PTPRM: variants seen among roughly 807,000 people sequenced by gnomAD.
PTPRM encodes the protein protein tyrosine phosphatase receptor type M, also known as receptor-type tyrosine-protein phosphatase mu.
In PTPRM, 47 loss-of-function variants were observed where a neutral mutation model predicts 186.7. The ratio of observed to expected loss-of-function variants is 0.25; its 90% CI spans 0.20 to 0.32. The LOEUF is 0.32. Among genes scored for constraint, PTPRM ranks in the 10% least tolerant of loss-of-function variants. The probability of loss-of-function intolerance (pLI) is 1.00; values close to 1 mark genes in which losing one functional copy is unlikely to be tolerated. For synonymous variants in PTPRM, 668 were observed against 674.9 expected (o/e 0.99, Z 0.16); for missense variants, 1,494 against 1,865.0 (o/e 0.80, Z 3.66).
chr18:7,663,374 A>G (rs534391182), intron 1 of PTPRM, among the ~76,000 whole-genome samples: 3 of 152,320 alleles, frequency 2.0e-5, no homozygotes, highest in South Asian at 4.1e-4. Flanking sequence ...GCAGTGTTCT[A>G]GGCACTGGGA....
chr18:8,028,721 T>C (rs1236908755), intron 7 of PTPRM, among the ~76,000 whole-genome samples: 1 of 152,196 alleles, frequency 6.6e-6, no homozygotes, highest in Non-Finnish European at 1.5e-5. Context: ...ATTGTACTAG[T>C]CTGGGTAAAA....
intron 1 of PTPRM, among the ~76,000 whole-genome samples, chr18:7,681,183 C>T (rs1452449351): frequency 6.6e-6 from 1 of 151,110 alleles, no homozygotes; most frequent in African/African-American, 2.4e-5. Context: ...TAATATGAAT[C>T]TCGGAACTGC....
intron 1 of PTPRM, among the ~76,000 whole-genome samples, chr18:7,624,433 A>C (rs1249511225): frequency 6.6e-6 from 1 of 151,886 alleles, no homozygotes; most frequent in Admixed American, 6.6e-5. Context: ...TCCTAGTTCT[A>C]CCTTTTTCTT....
intron 13 of PTPRM, among the ~76,000 whole-genome samples, chr18:8,141,302 T>C (rs545560035): frequency 4.1e-4 from 63 of 152,330 alleles, no homozygotes; most frequent in Non-Finnish European, 6.6e-4. Context: ...CTCCCACCTT[T>C]TCTGAGTCAC....
chr18:7,845,391 A>T (rs1411514131), intron 2 of PTPRM, among the ~76,000 whole-genome samples: 2 of 152,208 alleles, frequency 1.3e-5, no homozygotes, highest in African/African-American at 4.8e-5. Context: ...TATGCTTTAT[A>T]TAAGTTAGCT....
chr18:7,629,083 A>G (rs1164173354), intron 1 of PTPRM, among the ~76,000 whole-genome samples: 1 of 152,210 alleles, frequency 6.6e-6, no homozygotes, highest in Non-Finnish European at 1.5e-5. Context: ...CTTCAAAATG[A>G]TGGTACACTC....
chr18:7,756,951 T>C lies in PTPRM; in HGVS notation c.74-17198T>C, dbSNP rs182009805. Among the ~76,000 whole-genome samples the C allele has an allele frequency of 6.6e-5, 10 of 152,348 alleles. No homozygotes were observed. In the East Asian group the frequency reaches 1.9e-3, roughly 29 times the overall value. ...TGGACCCCAGCTTGGCCTGTGCTGC[T>C]CCCATCCACCTTTGTAGCCTGATCT... On this transcript the variant is annotated intron_variant, in intron 1 of 32. Transcript: ENST00000580170.
Position 7,858,308 on chromosome 18 carries a change from G to A in PTPRM, c.197-29798G>A, listed in dbSNP as rs548432940. On this transcript the variant is annotated intron_variant, in intron 2 of 32. Transcript: ENST00000580170. ...AAGGTGGCTCATGCCTGTAATTCCA[G>A]CACTTTGGGAGGCCGAGGTGGGAGG... 1.1e-4 allele frequency among the ~76,000 whole-genome samples: 16 copies of A among 152,248 alleles called. No individual in the cohort carries two copies. The East Asian group carries it at 3.1e-3, about 29-fold the overall frequency.
intron 14 of PTPRM, among the ~76,000 whole-genome samples, chr18:8,158,708 A>G (rs1348730838): frequency 6.6e-6 from 1 of 152,192 alleles, no homozygotes; most frequent in East Asian, 1.9e-4. Flanking sequence ...GCATGGTGCC[A>G]GCATCTGTTC....
intron 1 of PTPRM, among the ~76,000 whole-genome samples, chr18:7,712,250 A>G (rs1375550968): frequency 6.6e-6 from 1 of 152,202 alleles, no homozygotes; most frequent in Non-Finnish European, 1.5e-5. Context: ...AAACTCCAGC[A>G]GACCTGCAGC....
intron 1 of PTPRM, among the ~76,000 whole-genome samples, chr18:7,636,379 T>C (rs1262627512): frequency 2.0e-5 from 3 of 152,230 alleles, no homozygotes; most frequent in Non-Finnish European, 4.4e-5. Context: ...CATTTTCAGA[T>C]CTATGAGTGC....
intron 23 of PTPRM, among the ~76,000 whole-genome samples, chr18:8,358,024 T>C (rs1178963451): frequency 6.6e-6 from 1 of 152,200 alleles, no homozygotes; most frequent in African/African-American, 2.4e-5. Flanking sequence ...AAACTTCATA[T>C]CATATGCCAA....
At chr18:8,148,624 G>A (rs526853) in intron 14 of PTPRM, among the ~76,000 whole-genome samples, 91,324 of 151,868 alleles carry the variant, frequency 0.6, 29,835 homozygotes, top group East Asian at 0.95. Flanking sequence ...TGATTTTTTT[G>A]AAGGGTTTTT....
intron 19 of PTPRM, among the ~76,000 whole-genome samples, chr18:8,294,033 T>C (rs2095068720): frequency 6.6e-6 from 1 of 152,072 alleles, no homozygotes; most frequent in Admixed American, 6.6e-5. Flanking sequence ...GGTGAATCAC[T>C]TGAGGTAAGG....
At chr18:7,692,835 G>A (rs1322217651) in intron 1 of PTPRM, among the ~76,000 whole-genome samples, 2 of 152,208 alleles carry the variant, frequency 1.3e-5, no homozygotes, top group Non-Finnish European at 2.9e-5. Flanking sequence ...TGGCATTATT[G>A]TGATGTATAT....
intron 15 of PTPRM, among the ~76,000 whole-genome samples, chr18:8,245,987 A>G (rs1227204415): frequency 6.6e-6 from 1 of 152,190 alleles, no homozygotes; most frequent in East Asian, 1.9e-4. Flanking sequence ...CTGATCGGCT[A>G]TTAGACGTTA....
At chr18:7,797,250 C>T (rs1056290848) in intron 2 of PTPRM, among the ~76,000 whole-genome samples, 9 of 152,244 alleles carry the variant, frequency 5.9e-5, no homozygotes, top group African/African-American at 2.2e-4. Context: ...TGCCTCCCTG[C>T]TGTCACTGCT....
intron 1 of PTPRM, among the ~76,000 whole-genome samples, chr18:7,739,492 A>G (rs1165339864): frequency 6.6e-6 from 1 of 152,254 alleles, no homozygotes; most frequent in African/African-American, 2.4e-5. Context: ...TTTGTTTAAA[A>G]ATGTATTCCA....
intron 2 of PTPRM, among the ~76,000 whole-genome samples, chr18:7,881,127 A>G (rs2146282634): frequency 6.6e-6 from 1 of 152,228 alleles, no homozygotes; most frequent in Non-Finnish European, 1.5e-5. Context: ...TTACACATGT[A>G]TGCTGAAATG....
Sources: gnomAD v4.1 joint callset for allele counts (sites outside exome capture counted in the v4.1 genomes callset) on GRCh38, gnomAD v4.1.1 for gene constraint, MANE v1.5 for transcripts, NCBI Gene and HGNC (gene_info 2026-07-23, HGNC 2026-07-21) for gene names.